CACNB4: variants seen among roughly 807,000 people sequenced by gnomAD.
The protein encoded by CACNB4 is calcium voltage-gated channel auxiliary subunit beta 4.
CACNB4 carries 32 observed loss-of-function variants against 71.2 expected under a neutral mutation model. The ratio of observed to expected loss-of-function variants is 0.45; its 90% CI spans 0.34 to 0.60. CACNB4 has a LOEUF of 0.60. Ranked by LOEUF, CACNB4 falls within the 20% of genes least tolerant of loss-of-function variation. The probability of loss-of-function intolerance (pLI) is 0.01; values close to 1 mark genes in which losing one functional copy is unlikely to be tolerated. For missense variants in CACNB4, 464 were observed against 647.9 expected, an observed-to-expected ratio of 0.72 and a Z score of 3.08; for synonymous variants, 231 against 236.9, an observed-to-expected ratio of 0.97 and a Z score of 0.23.
intron 2 of CACNB4, among the ~76,000 whole-genome samples, chr2:152,069,111 C>T (rs572681627): frequency 6.6e-6 from 1 of 152,316 alleles, no homozygotes; most frequent in Non-Finnish European, 1.5e-5. Context: ...TGAATAAATG[C>T]TTCCCCCTAC....
At chr2:152,078,028 G>A (rs1030490461) in intron 2 of CACNB4, among the ~76,000 whole-genome samples, 5 of 152,164 alleles carry the variant, frequency 3.3e-5, no homozygotes, top group African/African-American at 7.2e-5. Context: ...GAGAGACGGC[G>A]GTGGCGCAAG....
At chr2:152,042,629 A>C (rs1451931640) in intron 2 of CACNB4, among the ~76,000 whole-genome samples, 1 of 152,228 alleles carries the variant, frequency 6.6e-6, no homozygotes, top group African/African-American at 2.4e-5. Flanking sequence ...GATCAAAAAA[A>C]GAAAAATGGC....
intron 2 of CACNB4, among the ~76,000 whole-genome samples, chr2:151,920,871 A>T (rs377508126): frequency 6.6e-6 from 1 of 151,982 alleles, no homozygotes; most frequent in Non-Finnish European, 1.5e-5. Flanking sequence ...AGGCACGGTG[A>T]CTCACGCCTG....
chr2:152,069,696 T>TCAGCTC (rs1192465132), intron 2 of CACNB4, among the ~76,000 whole-genome samples: 4 of 152,036 alleles, frequency 2.6e-5, no homozygotes, highest in Non-Finnish European at 5.9e-5. Context: ...TCATAGGATT[T>TCAGCTC]CAGCTCCAAT....
At position 152,098,999 on chromosome 2, in the gene CACNB4, A is replaced by G; in HGVS notation, c.13T>C (p.Ser5Pro). The G allele has an allele frequency of 6.5e-7, 1 of 1,535,096 alleles. No individual in the cohort carries two copies. Among genetic ancestry groups the G allele is most frequent in the Non-Finnish European group, 8.7e-7 (1 of 1,143,176 alleles). MSSS[S>P]YAKNGTADGP... Reference sequence around the variant, plus strand: ...TCCGCGGTCCCGTTCTTGGCGTAGGAGGAGGAGGACATCGTTCAGAGCCGC... The same window carrying G: ...TCCGCGGTCCCGTTCTTGGCGTAGGGGGAGGAGGACATCGTTCAGAGCCGC... Residue 5 changes from serine to proline, a missense_variant, in exon 1 of 14, where the codon TCC (serine) becomes CCC (proline). By Grantham distance (74) the Ser-to-Pro change is moderately conservative. This residue lies in a region of CACNB4 where 50 missense variants were observed against 47.5 expected (regional missense o/e 1.05). Transcript: ENST00000539935. The surrounding 1 kb of genome is among the most constrained non-coding windows in gnomAD (Gnocchi z 5.3).
chr2:151,929,427 C>T (rs1354325630), intron 2 of CACNB4, among the ~76,000 whole-genome samples: 2 of 152,140 alleles, frequency 1.3e-5, no homozygotes, highest in African/African-American at 4.8e-5. Context: ...TTAAAAAACT[C>T]TGGTCATAAT....
At chr2:151,847,099 CAAAAAAAA>C (rs397766580) in intron 12 of CACNB4, among the ~76,000 whole-genome samples, 1 of 79,778 alleles carries the variant, frequency 1.3e-5, no homozygotes, top group Non-Finnish European at 2.6e-5. Flanking sequence ...AAACTGACAC[CAAAAAAAA>C]AAAAAAAAAA....
At chr2:151,990,415 C>G (rs543896578) in intron 2 of CACNB4, among the ~76,000 whole-genome samples, 1 of 152,148 alleles carries the variant, frequency 6.6e-6, no homozygotes, top group Non-Finnish European at 1.5e-5. Flanking sequence ...AAAGCACAAC[C>G]CTCTCCAGTT....
intron 2 of CACNB4, among the ~76,000 whole-genome samples, chr2:152,051,888 A>C (rs1436594916): frequency 6.6e-6 from 1 of 152,186 alleles, no homozygotes. Context: ...TTTCCTATAA[A>C]TGGTAACATA....
intron 8 of CACNB4, 22 bp from the exon 9 acceptor site, chr2:151,869,257 A>G: frequency 8.9e-6 from 13 of 1,464,100 alleles, no homozygotes; most frequent in Non-Finnish European, 1.2e-5. Flanking sequence ...TGAGAAAAAA[A>G]GAATGAGGCA....
intron 2 of CACNB4, among the ~76,000 whole-genome samples, chr2:152,074,245 A>AC (rs972580928): frequency 2.6e-4 from 40 of 151,010 alleles, no homozygotes; most frequent in Admixed American, 2.2e-3. Context: ...TACCATCAGC[A>AC]CCCCCCCATT....
At chr2:151,907,840 C>G (rs1197908680) in intron 2 of CACNB4, among the ~76,000 whole-genome samples, 1 of 152,124 alleles carries the variant, frequency 6.6e-6, no homozygotes, top group Non-Finnish European at 1.5e-5. Context: ...CATAGCTGTT[C>G]CCTCATGTGG....
chr2:151,906,062 A>G (rs540587487), intron 2 of CACNB4, among the ~76,000 whole-genome samples: 49 of 152,310 alleles, frequency 3.2e-4, no homozygotes, highest in African/African-American at 9.1e-4. Flanking sequence ...ACATCACGCT[A>G]TCCTCTTCCT....
At chr2:151,944,907 G>T (rs1213085430) in intron 2 of CACNB4, among the ~76,000 whole-genome samples, 1 of 152,194 alleles carries the variant, frequency 6.6e-6, no homozygotes, top group Non-Finnish European at 1.5e-5. Flanking sequence ...CAGTAATCCA[G>T]TTGTGAGACA....
intron 2 of CACNB4, among the ~76,000 whole-genome samples, chr2:152,075,962 T>G (rs1055507679): frequency 6.6e-6 from 1 of 152,154 alleles, no homozygotes; most frequent in Non-Finnish European, 1.5e-5. Context: ...TTTGCTCACC[T>G]GCATTTCACC....
chr2:151,894,288 C>G (rs2099851461), intron 2 of CACNB4, among the ~76,000 whole-genome samples: 1 of 152,184 alleles, frequency 6.6e-6, no homozygotes, highest in Admixed American at 6.5e-5. Flanking sequence ...TCAACATATG[C>G]CAGTCAATAA....
intron 2 of CACNB4, among the ~76,000 whole-genome samples, chr2:151,904,804 G>C (rs1578728237): frequency 6.6e-6 from 1 of 152,046 alleles, no homozygotes; most frequent in African/African-American, 2.4e-5. Context: ...CAAAGTGCTG[G>C]GATTACAGGC....
chr2:151,988,827 T>G (rs1346518930), intron 2 of CACNB4, among the ~76,000 whole-genome samples: 1 of 152,164 alleles, frequency 6.6e-6, no homozygotes, highest in Non-Finnish European at 1.5e-5. Context: ...GGCATTAAGA[T>G]TTCAACCTAT....
intron 2 of CACNB4, among the ~76,000 whole-genome samples, chr2:152,051,441 T>C (rs1346592336): frequency 6.6e-6 from 1 of 152,060 alleles, no homozygotes; most frequent in East Asian, 1.9e-4. Context: ...AAAATACATA[T>C]GTTAAGCCCT....
Sources: gnomAD v4.1 joint callset for allele counts (sites outside exome capture counted in the v4.1 genomes callset) on GRCh38, gnomAD v4.1.1 for gene constraint, gnomAD v4.1.1 regional missense constraint, Gnocchi (gnomAD v3.1) non-coding constraint, MANE v1.5 for transcripts, NCBI Gene and HGNC (gene_info 2026-07-23, HGNC 2026-07-21) for gene names.